ITIH5: variants seen among roughly 807,000 people sequenced by gnomAD.
ITIH5 encodes inter-alpha-trypsin inhibitor heavy chain H5.
ITIH5 carries 65 observed loss-of-function variants against 77.5 expected under a neutral mutation model. The ratio of observed to expected loss-of-function variants is 0.84; its 90% confidence interval spans 0.69 to 1.03. The LOEUF is 1.03. Among genes scored for constraint, ITIH5 ranks in the 50% least tolerant of loss-of-function variants. The pLI is 0.00. For missense variants in ITIH5, 1,208 were observed against 1,213.1 expected (o/e 1.00, Z 0.06); for synonymous variants, 525 against 494.3 (o/e 1.06, Z -0.82).
At chr10:7,586,404 A>G (rs935643919) in intron 7 of ITIH5, among the ~76,000 whole-genome samples, 4 of 152,140 alleles carry the variant, frequency 2.6e-5, no homozygotes, top group African/African-American at 9.7e-5. Flanking sequence ...CAAGCCCCTC[A>G]TCATTCTTAA....
Position 7,600,520 on chromosome 10 carries a change from T to A in ITIH5, c.940-14451A>T, listed in dbSNP as rs571276754. On this transcript the variant is annotated intron_variant, in intron 7 of 13. Transcript: ENST00000397146. Reference sequence around the variant, plus strand: ...CCCGGTCTCTCCTCCTGGATATTTGTCTTGTTACCTTGGCCTTTGCCTTCC... The same window carrying A: ...CCCGGTCTCTCCTCCTGGATATTTGACTTGTTACCTTGGCCTTTGCCTTCC... 52 of 456,784 alleles carry A rather than the reference T, an allele frequency of 1.1e-4. 1 individual carries two copies. In the East Asian group the frequency reaches 1.7e-3, roughly 15 times the overall value. The allele number at this position is 456,784 out of a possible 1,614,324, so 28.3% of individuals were successfully genotyped here. A position where few individuals can be genotyped will look rare whatever the true frequency, so the allele number is the denominator to read the frequency against.
intron 2 of ITIH5, among the ~76,000 whole-genome samples, chr10:7,644,398 CATATATCACATATATCAT>C (rs1564277265): frequency 6.5e-5 from 8 of 123,262 alleles, no homozygotes; most frequent in Admixed American, 2.7e-4. Context: ...ACATATATCA[CATATATCACATATATCAT>C]ATATATCACA....
intron 11 of ITIH5, 49 bp from the exon 12 acceptor site, chr10:7,569,833 T>C: frequency 9.1e-7 from 1 of 1,103,254 alleles, no homozygotes. Context: ...ACTTATTCAG[T>C]ACCTTCCTTG....
At chr10:7,568,007 CTTT>C (rs1054361674) in intron 12 of ITIH5, among the ~76,000 whole-genome samples, 1 of 152,070 alleles carries the variant, frequency 6.6e-6, no homozygotes, top group Non-Finnish European at 1.5e-5. Flanking sequence ...AATAGAACTC[CTTT>C]TTTTTCTTCA....
At chr10:7,638,237 A>G (rs1358373928) in intron 4 of ITIH5, among the ~76,000 whole-genome samples, 1 of 152,220 alleles carries the variant, frequency 6.6e-6, no homozygotes, top group Non-Finnish European at 1.5e-5. Flanking sequence ...GATGGAAGGG[A>G]AAAGGGAGAC....
intron 7 of ITIH5, among the ~76,000 whole-genome samples, chr10:7,596,940 G>A (rs552367221): frequency 6.0e-4 from 90 of 150,222 alleles, no homozygotes; most frequent in African/African-American, 2.1e-3. Flanking sequence ...CCAGCTACTC[G>A]GGAGGTGAGG....
Position 7,616,053 on chromosome 10 carries a change from G to A in ITIH5, c.868C>T (p.Pro290Ser), listed in dbSNP as rs1447060030. The change falls in exon 7 of 14, where the codon CCT (proline) becomes TCT (serine). Residue 290 changes from proline to serine, a missense_variant. Pro to Ser is a moderately conservative substitution (Grantham distance 74, BLOSUM62 -1). Transcript: ENST00000397146. ...AATACCACATTCTTGGGTAAAGGAG[G>A]AAGGTCTTTAGGAGCAAAGTAGTGC... ...FVHYFAPKDL[P>S]PLPKNVVFVL... is the part of the protein sequence containing the mutation. 1 of 1,613,678 alleles carries A rather than the reference G, an allele frequency of 6.2e-7. No homozygotes were observed. Among genetic ancestry groups the A allele is most frequent in the Non-Finnish European group, 8.5e-7 (1 of 1,179,578 alleles).
chr10:7,657,086 C>T (rs1257885239), intron 1 of ITIH5, among the ~76,000 whole-genome samples: 1 of 144,910 alleles, frequency 6.9e-6, no homozygotes, highest in African/African-American at 2.6e-5. Context: ...GTTCTGTTGC[C>T]CAGGCTGGAG....
At chr10:7,640,712 T>C (rs767469272) in intron 4 of ITIH5, 42 bp downstream of exon 4, 11 of 1,331,912 alleles carry the variant, frequency 8.3e-6, no homozygotes, top group Non-Finnish European at 8.6e-6. Context: ...TGTGGCACTT[T>C]GCTAAAATGG....
rs571198141 is a variant in ITIH5 at position 7,650,637 on chromosome 10, A to G, written c.135+4994T>C. 3.9e-5 allele frequency among the ~76,000 whole-genome samples: 6 copies of G among 152,092 alleles called. No homozygotes were observed. In the East Asian group the frequency reaches 1.2e-3, roughly 29 times the overall value. On this transcript the variant is annotated intron_variant, in intron 2 of 13. Transcript: ENST00000397146. ...CATAATCCCAGCTACTCAGGAGGCT[A>G]AGGCAGGAGAATCACTTGAACCCGG...
chr10:7,599,232 T>C (rs750041331), intron 7 of ITIH5, among the ~76,000 whole-genome samples: 4 of 152,222 alleles, frequency 2.6e-5, no homozygotes, highest in Non-Finnish European at 5.9e-5. Flanking sequence ...GTCAATTCCA[T>C]ACTTCTCATT....
intron 12 of ITIH5, among the ~76,000 whole-genome samples, chr10:7,568,020 A>C (rs1376710432): frequency 6.6e-6 from 1 of 151,932 alleles, no homozygotes; most frequent in African/African-American, 2.4e-5. Context: ...TTTTTTCTTC[A>C]TCATTATGAA....
intron 2 of ITIH5, 58 bp from the exon 3 acceptor site, chr10:7,642,148 G>A: frequency 7.4e-7 from 1 of 1,357,140 alleles, no homozygotes; most frequent in Non-Finnish European, 1.0e-6. Flanking sequence ...TTTGGTGGTA[G>A]TGGAACATCT....
chr10:7,606,194 C>T (rs1034809587), intron 7 of ITIH5, among the ~76,000 whole-genome samples: 4 of 152,142 alleles, frequency 2.6e-5, no homozygotes, highest in African/African-American at 7.2e-5. Context: ...AGCAGTCTGG[C>T]GATTTCTCAA....
intron 5 of ITIH5, among the ~76,000 whole-genome samples, chr10:7,629,543 T>C (rs996712419): frequency 7.5e-6 from 1 of 132,806 alleles, no homozygotes; most frequent in African/African-American, 2.5e-5. Flanking sequence ...GTGTCCGTGT[T>C]GTGGCATGCA....
chr10:7,635,301 C>T (rs187992434), intron 5 of ITIH5, among the ~76,000 whole-genome samples: 68 of 152,316 alleles, frequency 4.5e-4, no homozygotes, highest in Non-Finnish European at 6.9e-4. Context: ...GCGGCCAACC[C>T]TTTACATACA....
At chr10:7,614,527 T>G (rs1833325660) in intron 7 of ITIH5, among the ~76,000 whole-genome samples, 2 of 152,198 alleles carry the variant, frequency 1.3e-5, no homozygotes, top group South Asian at 4.1e-4. Flanking sequence ...GTGTATTTTA[T>G]GCATGGCTCA....
At chr10:7,624,780 T>A (rs1833531586) in intron 5 of ITIH5, among the ~76,000 whole-genome samples, 1 of 106,028 alleles carries the variant, frequency 9.4e-6, no homozygotes, top group African/African-American at 3.9e-5. Context: ...AGTGAGACTC[T>A]GCCTAAAAAA....
At chr10:7,663,905 T>A (rs1404929437) in intron 1 of ITIH5, among the ~76,000 whole-genome samples, 2 of 152,212 alleles carry the variant, frequency 1.3e-5, no homozygotes, top group Non-Finnish European at 2.9e-5. Context: ...ATTGGGACAT[T>A]ACAGATACTC....
Sources: allele counts gnomAD v4.1 joint callset (sites outside exome capture counted in the v4.1 genomes callset), GRCh38; gene constraint gnomAD v4.1.1; transcripts MANE v1.5; gene names NCBI Gene and HGNC (gene_info 2026-07-23, HGNC 2026-07-21).